EPHA3: variants seen among roughly 807,000 people sequenced by gnomAD.
The protein encoded by EPHA3 is EPH receptor A3.
In EPHA3, 42 loss-of-function variants were observed where a neutral mutation model predicts 107.1. The ratio of observed to expected loss-of-function variants is 0.39; its 90% CI spans 0.31 to 0.51. The LOEUF (loss-of-function observed/expected upper bound fraction) is 0.51, where lower values mean the gene tolerates loss of function less well. EPHA3 is among the 20% of genes least tolerant of loss of function. The probability of loss-of-function intolerance (pLI) is 0.78; values close to 1 mark genes in which losing one functional copy is unlikely to be tolerated. For synonymous variants in EPHA3, 461 were observed against 424.8 expected (o/e 1.09, Z -1.05); for missense variants, 1,183 against 1,211.2 (o/e 0.98, Z 0.35).
intron 3 of EPHA3, among the ~76,000 whole-genome samples, chr3:89,309,152 A>T (rs1263069476): frequency 6.6e-6 from 1 of 152,206 alleles, no homozygotes; most frequent in Non-Finnish European, 1.5e-5. Context: ...CAACTGGGAG[A>T]TTATTTTTGA....
chr3:89,432,213 G>A (rs78824405), intron 13 of EPHA3, among the ~76,000 whole-genome samples: 9,954 of 152,060 alleles, frequency 0.065, 395 homozygotes, highest in Middle Eastern at 0.11. Context: ...CAAAGATTAC[G>A]TGAATATTTT....
intron 10 of EPHA3, among the ~76,000 whole-genome samples, chr3:89,415,785 T>C (rs1004318040): frequency 6.6e-6 from 1 of 151,400 alleles, no homozygotes; most frequent in Admixed American, 6.6e-5. Flanking sequence ...ATTCCCATGA[T>C]ATTTAATTTT....
chr3:89,320,647 T>C (rs961080208), intron 3 of EPHA3, among the ~76,000 whole-genome samples: 1 of 151,974 alleles, frequency 6.6e-6, no homozygotes, highest in Non-Finnish European at 1.5e-5. Context: ...TAAATCTTTG[T>C]TTACACTTAA....
intron 3 of EPHA3, among the ~76,000 whole-genome samples, chr3:89,243,824 G>A (rs907556545): frequency 4.6e-5 from 7 of 152,020 alleles, no homozygotes; most frequent in African/African-American, 1.7e-4. Flanking sequence ...AACTGGTGGA[G>A]TTCTTAAAGC....
intron 3 of EPHA3, among the ~76,000 whole-genome samples, chr3:89,256,355 T>C (rs868349871): frequency 2.0e-5 from 3 of 151,800 alleles, no homozygotes; most frequent in Admixed American, 6.6e-5. Context: ...AAGACCAGTG[T>C]GGACAAGGAG....
intron 3 of EPHA3, among the ~76,000 whole-genome samples, chr3:89,218,000 A>T (rs6779710): frequency 2.6e-5 from 4 of 152,132 alleles, no homozygotes; most frequent in African/African-American, 9.7e-5. Context: ...TTTATCTCAT[A>T]CTTCTACATT....
chr3:89,373,869 C>G (rs891995722), intron 5 of EPHA3, among the ~76,000 whole-genome samples: 1 of 151,814 alleles, frequency 6.6e-6, no homozygotes, highest in Admixed American at 6.6e-5. Context: ...AGGATAAGGT[C>G]GATGTCATTA....
chr3:89,410,049 T>A (rs1709128650), intron 9 of EPHA3, among the ~76,000 whole-genome samples: 1 of 152,012 alleles, frequency 6.6e-6, no homozygotes, highest in Admixed American at 6.6e-5. Flanking sequence ...GAAGGGATTA[T>A]GTGCCTCGCA....
At chr3:89,273,081 A>C (rs928911464) in intron 3 of EPHA3, among the ~76,000 whole-genome samples, 3 of 151,918 alleles carry the variant, frequency 2.0e-5, no homozygotes, top group African/African-American at 7.2e-5. Flanking sequence ...TGGGAAGATA[A>C]ATTTTCAACA....
chr3:89,415,267 T>A (rs1709223345), intron 10 of EPHA3, among the ~76,000 whole-genome samples: 1 of 151,062 alleles, frequency 6.6e-6, no homozygotes. Flanking sequence ...CTAAAATAGC[T>A]TTTATAACAA....
chr3:89,223,974 G>C (rs1302427276), intron 3 of EPHA3, among the ~76,000 whole-genome samples: 1 of 151,856 alleles, frequency 6.6e-6, no homozygotes, highest in African/African-American at 2.4e-5. Context: ...TCAATGCCTG[G>C]TTCAAAATCT....
At chr3:89,253,368 A>G (rs1705207331) in intron 3 of EPHA3, among the ~76,000 whole-genome samples, 1 of 152,088 alleles carries the variant, frequency 6.6e-6, no homozygotes, top group African/African-American at 2.4e-5. Context: ...CACAATTCAT[A>G]CTCACACCAT....
Position 89,479,430 on chromosome 3 carries a change from G to A in EPHA3, c.2880G>A (p.Gly960=). 1.2e-6 allele frequency: 2 copies of A among 1,614,104 alleles called. No individual in the cohort carries two copies. Among genetic ancestry groups the A allele is most frequent in the Non-Finnish European group, 1.7e-6 (2 of 1,179,992 alleles). ...AAAAGGTTGGTGTCACCGTGGTTGG[G>A]CCACAGAAGAAGATCATCAGTAGCA... ...DMKKVGVTVV[G]PQKKIISSIK... The change falls in exon 17 of 17, where the codon GGG becomes GGA. Residue 960 remains glycine (G), a synonymous_variant. Transcript: ENST00000336596.
intron 5 of EPHA3, among the ~76,000 whole-genome samples, chr3:89,371,472 T>C (rs1421695771): frequency 6.6e-6 from 1 of 151,642 alleles, no homozygotes. Context: ...GTAAGATAGA[T>C]AAAAGATAAG....
intron 15 of EPHA3, among the ~76,000 whole-genome samples, chr3:89,468,344 C>T (rs542691586): frequency 6.6e-6 from 1 of 152,126 alleles, no homozygotes; most frequent in South Asian, 2.1e-4. Context: ...ACGTCCTGTT[C>T]TATTTCAATT....
chr3:89,422,689 A>G (rs2107529297), intron 11 of EPHA3, among the ~76,000 whole-genome samples: 1 of 151,620 alleles, frequency 6.6e-6, no homozygotes, highest in Middle Eastern at 3.4e-3. Flanking sequence ...TTGGGTGTAT[A>G]GAAAAAAATT....
At chr3:89,150,019 T>C (rs982959989) in intron 2 of EPHA3, among the ~76,000 whole-genome samples, 2 of 152,018 alleles carry the variant, frequency 1.3e-5, no homozygotes, top group Non-Finnish European at 1.5e-5. Context: ...AATCTACCCT[T>C]AAGCAGTAGT....
At chr3:89,383,903 C>T (rs1337372638) in intron 5 of EPHA3, among the ~76,000 whole-genome samples, 1 of 151,906 alleles carries the variant, frequency 6.6e-6, no homozygotes, top group African/African-American at 2.4e-5. Flanking sequence ...CCACCTCGGC[C>T]CCCCAAAGTG....
At chr3:89,440,401 A>G (rs2107545623) in intron 13 of EPHA3, among the ~76,000 whole-genome samples, 1 of 152,318 alleles carries the variant, frequency 6.6e-6, no homozygotes. Context: ...AACCTTTCCT[A>G]AATTGGCAGG....
Sources: allele counts gnomAD v4.1 joint callset (sites outside exome capture counted in the v4.1 genomes callset), GRCh38; gene constraint gnomAD v4.1.1; transcripts MANE v1.5; gene names NCBI Gene and HGNC (gene_info 2026-07-23, HGNC 2026-07-21).